The following EIF4EBP2 variants were observed in gnomAD, a reference collection of about 807,000 sequenced individuals.
The protein encoded by EIF4EBP2 is eukaryotic translation initiation factor 4E-binding protein 2.
EIF4EBP2 carries 5 observed loss-of-function variants against 10.3 expected under a neutral mutation model. The ratio of observed to expected loss-of-function variants is 0.48; its 90% CI spans 0.25 to 1.02. The LOEUF (loss-of-function observed/expected upper bound fraction) is 1.02, where lower values mean the gene tolerates loss of function less well. EIF4EBP2 is among the 50% of genes least tolerant of loss of function. EIF4EBP2 has a pLI of 0.15. For synonymous variants in EIF4EBP2, 67 were observed against 61.1 expected (o/e 1.10, Z -0.45); for missense variants, 188 against 162.2 (o/e 1.16, Z -0.86).
At chr10:70,416,987 C>T (rs1845104383) in intron 1 of EIF4EBP2, among the ~76,000 whole-genome samples, 1 of 152,000 alleles carries the variant, frequency 6.6e-6, no homozygotes, top group African/African-American at 2.4e-5. Flanking sequence ...TTGGTATATA[C>T]CCAAGAGAAT....
intron 1 of EIF4EBP2, 146 bp from the exon 2 acceptor site, chr10:70,419,768 A>G: frequency 3.4e-6 from 2 of 593,742 alleles, no homozygotes; most frequent in Non-Finnish European, 5.6e-6. Flanking sequence ...GTTTACAGGC[A>G]GAGAGGTTAG....
intron 1 of EIF4EBP2, among the ~76,000 whole-genome samples, chr10:70,408,503 A>C (rs948516530): frequency 7.9e-5 from 12 of 152,238 alleles, no homozygotes; most frequent in African/African-American, 2.7e-4. Context: ...CTATTACAGC[A>C]ATGAATACTG....
Position 70,406,530 on chromosome 10 carries a change from A to G in EIF4EBP2, c.145+1984A>G, listed in dbSNP as rs563482886. ...TGGAAAGGGAACTAAACTTTCAGCT[A>G]TATATTAATCCCCTGAGGGAAGAGC... On this transcript the variant is annotated intron_variant, in intron 1 of 2. Coordinates refer to ENST00000373218, the MANE Select transcript of EIF4EBP2 (RefSeq NM_004096.5). Among the ~76,000 whole-genome samples the G allele has an allele frequency of 2.0e-5, 3 of 151,000 alleles. No homozygotes were observed. In the South Asian group the frequency reaches 6.2e-4, roughly 31 times the overall value.
Position 70,404,392 on chromosome 10 carries a change from G to T in EIF4EBP2, c.-10G>T. ...CCGCCGGACAAAGCCGAGAGCCCGC[G>T]CCCACAGCCATGTCCTCGTCAGCCG... On this transcript the variant is annotated 5_prime_UTR_variant, in exon 1 of 3. Transcript: ENST00000373218. 8 of 1,561,196 alleles carry T rather than the reference G, an allele frequency of 5.1e-6. No individual in the cohort carries two copies. The highest frequency in any genetic ancestry group is 6.0e-6 in the Non-Finnish European group (7 of 1,157,128).
intron 1 of EIF4EBP2, among the ~76,000 whole-genome samples, chr10:70,414,182 T>G (rs1187350741): frequency 6.6e-6 from 1 of 152,230 alleles, no homozygotes; most frequent in Non-Finnish European, 1.5e-5. Flanking sequence ...TCCTGCCATT[T>G]TATCCATGGT....
intron 1 of EIF4EBP2, among the ~76,000 whole-genome samples, chr10:70,412,737 T>C (rs894493984): frequency 3.9e-5 from 6 of 152,186 alleles, no homozygotes; most frequent in Non-Finnish European, 8.8e-5. Context: ...GGACTCAGTT[T>C]TACTCTCATA....
intron 1 of EIF4EBP2, among the ~76,000 whole-genome samples, chr10:70,418,872 G>T (rs1456694240): frequency 1.3e-5 from 2 of 152,194 alleles, no homozygotes; most frequent in African/African-American, 4.8e-5. Flanking sequence ...CTGGAGTGCA[G>T]TGGTGCAGTC....
At chr10:70,410,929 G>T (rs529216986) in intron 1 of EIF4EBP2, among the ~76,000 whole-genome samples, 1 of 152,298 alleles carries the variant, frequency 6.6e-6, no homozygotes, top group Non-Finnish European at 1.5e-5. Flanking sequence ...AGGCTTGAAG[G>T]ATACCTTCCT....
chr10:70,412,435 A>G (rs757931610), intron 1 of EIF4EBP2, among the ~76,000 whole-genome samples: 11 of 152,120 alleles, frequency 7.2e-5, no homozygotes, highest in Non-Finnish European at 1.0e-4. Flanking sequence ...ATAGTTAACA[A>G]CTACCCTGTA....
intron 1 of EIF4EBP2, among the ~76,000 whole-genome samples, chr10:70,409,770 C>CT (rs1001662341): frequency 5.4e-4 from 82 of 152,340 alleles, no homozygotes; most frequent in African/African-American, 1.9e-3. Context: ...CTCTTTTACC[C>CT]TTTCTCTTTG....
intron 1 of EIF4EBP2, among the ~76,000 whole-genome samples, chr10:70,412,786 A>G (rs1845059291): frequency 1.3e-5 from 2 of 152,216 alleles, no homozygotes; most frequent in Non-Finnish European, 2.9e-5. Flanking sequence ...TCCTGGATGA[A>G]AGTATTAGAT....
intron 2 of EIF4EBP2, 32 bp downstream of exon 2, chr10:70,420,131 C>A: frequency 6.5e-7 from 1 of 1,541,886 alleles, no homozygotes; most frequent in Non-Finnish European, 8.7e-7. Context: ...AGACCTAGAG[C>A]GTGGCTCTTG....
At chr10:70,409,181 A>C (rs1173202035) in intron 1 of EIF4EBP2, among the ~76,000 whole-genome samples, 3 of 152,240 alleles carry the variant, frequency 2.0e-5, no homozygotes, top group East Asian at 3.8e-4. Context: ...GAAGTGGGTG[A>C]AAACACACTT....
rs999616384 is a variant in EIF4EBP2, at chr10:70,427,659, A to G, written c.*5912A>G. ...GCGGGTCTGTGGATTCTCTTTGCTT[A>G]TGGCTCTCTGCCTGCAGCCCTGGCA... On this transcript the variant is annotated 3_prime_UTR_variant, in exon 3 of 3. Coordinates refer to ENST00000373218, the MANE Select transcript of EIF4EBP2 (RefSeq NM_004096.5). 6.6e-6 allele frequency: 1 copy of G among 152,146 alleles called. No homozygotes were observed. Among genetic ancestry groups the G allele is most frequent in the Admixed American group, 6.6e-5 (1 of 15,262 alleles). The allele number at this position is 152,146 out of a possible 1,614,324, so 9.4% of individuals were successfully genotyped here.
At chr10:70,412,551 G>T (rs1014621940) in intron 1 of EIF4EBP2, among the ~76,000 whole-genome samples, 5 of 151,988 alleles carry the variant, frequency 3.3e-5, no homozygotes, top group African/African-American at 1.2e-4. Context: ...TTAAACTAAG[G>T]TACTTGGTAT....
At chr10:70,417,026 G>A (rs570302564) in intron 1 of EIF4EBP2, among the ~76,000 whole-genome samples, 134 of 152,194 alleles carry the variant, frequency 8.8e-4, no homozygotes, top group African/African-American at 3.1e-3. Context: ...AAACTTGTAC[G>A]TGAATGTTAT....
rs1845189795 is a variant in EIF4EBP2, at chr10:70,424,651, A to G, written c.*2904A>G. The G allele has an allele frequency of 6.6e-6, 1 of 152,196 alleles. No individual in the cohort carries two copies. The highest frequency in any genetic ancestry group is 2.1e-4 in the South Asian group (1 of 4,828). 9.4% of individuals were successfully genotyped at this position (152,196 alleles called of 1,614,324 possible). On this transcript the variant is annotated 3_prime_UTR_variant, in exon 3 of 3. Transcript: ENST00000373218. Reference sequence around the variant, plus strand: ...TGAGACAGCTCTTAACATCTTAGTGACCATTTGTAGTTTTCTTTTTATGAG... The same window carrying G: ...TGAGACAGCTCTTAACATCTTAGTGGCCATTTGTAGTTTTCTTTTTATGAG...
chr10:70,423,855 T>A lies in EIF4EBP2; in HGVS notation c.*2108T>A, dbSNP rs1036182399. Reference sequence around the variant, plus strand: ...AAATTGATAATCAGAAAAGTAATTTTTGTTTGTTTGTTTAATGTATCCCTG... The same window carrying A: ...AAATTGATAATCAGAAAAGTAATTTATGTTTGTTTGTTTAATGTATCCCTG... On this transcript the variant is annotated 3_prime_UTR_variant, in exon 3 of 3. Transcript: ENST00000373218. The A allele has an allele frequency of 1.3e-5, 2 of 152,644 alleles. No individual in the cohort carries two copies. The highest frequency in any genetic ancestry group is 2.9e-5 in the Non-Finnish European group (2 of 68,042). The allele number at this position is 152,644 out of a possible 1,614,324, so 9.5% of individuals were successfully genotyped here.
chr10:70,408,465 A>G (rs1845007199), intron 1 of EIF4EBP2, among the ~76,000 whole-genome samples: 1 of 152,234 alleles, frequency 6.6e-6, no homozygotes, highest in Admixed American at 6.5e-5. Context: ...TTATAAGGAC[A>G]TGGTGCCGTT....
Sources: gnomAD v4.1 joint callset for allele counts (sites outside exome capture counted in the v4.1 genomes callset) on GRCh38, gnomAD v4.1.1 for gene constraint, MANE v1.5 for transcripts, NCBI Gene and HGNC (gene_info 2026-07-23, HGNC 2026-07-21) for gene names.